The following ERC2 variants were observed in gnomAD, a reference collection of about 807,000 sequenced individuals.
ERC2 encodes ELKS/RAB6-interacting/CAST family member 2, also known as ERC protein 2.
ERC2 carries 42 observed loss-of-function variants against 114.8 expected under a neutral mutation model. The ratio of observed to expected loss-of-function variants is 0.37; its 90% CI spans 0.29 to 0.47. ERC2 has a LOEUF of 0.47. Among genes scored for constraint, ERC2 ranks in the 20% least tolerant of loss-of-function variants. The pLI is 0.99. For missense variants in ERC2, 939 were observed against 1,150.7 expected (o/e 0.82, Z 2.66); for synonymous variants, 454 against 425.5 (o/e 1.07, Z -0.82).
At chr3:55,855,640 C>G (rs117803046) in intron 14 of ERC2, among the ~76,000 whole-genome samples, 2 of 152,086 alleles carry the variant, frequency 1.3e-5, no homozygotes, top group Non-Finnish European at 2.9e-5. Context: ...GGCAGATTAA[C>G]TATAAAGAAA....
chr3:56,320,190 G>A (rs1335458606), intron 2 of ERC2, among the ~76,000 whole-genome samples: 1 of 152,158 alleles, frequency 6.6e-6, no homozygotes, highest in African/African-American at 2.4e-5. Flanking sequence ...TCTGTACTGT[G>A]TTTTGAAGAG....
At chr3:56,217,940 A>G in intron 3 of ERC2, among the ~76,000 whole-genome samples, 1 of 152,178 alleles carries the variant, frequency 6.6e-6, no homozygotes, top group East Asian at 1.9e-4. Flanking sequence ...AGCCATATGT[A>G]GAAAGCTGAA....
chr3:56,350,311 C>T (rs756814154), intron 2 of ERC2, among the ~76,000 whole-genome samples: 2 of 152,248 alleles, frequency 1.3e-5, no homozygotes, highest in Non-Finnish European at 2.9e-5. Context: ...TCTGCAACCT[C>T]ACTTTCCAAG....
At chr3:56,235,895 T>C (rs1389143827) in intron 3 of ERC2, among the ~76,000 whole-genome samples, 1 of 152,184 alleles carries the variant, frequency 6.6e-6, no homozygotes. Flanking sequence ...ATCCCTTTCA[T>C]TTTTTACATC....
intron 17 of ERC2, among the ~76,000 whole-genome samples, chr3:55,595,327 G>C (rs1395849373): frequency 1.3e-5 from 2 of 152,194 alleles, no homozygotes; most frequent in Non-Finnish European, 2.9e-5. Context: ...TGGTTTAATA[G>C]CTTCTCCTCA....
chr3:56,293,467 G>C (rs189714111), intron 3 of ERC2, among the ~76,000 whole-genome samples: 1 of 152,180 alleles, frequency 6.6e-6, no homozygotes, highest in Non-Finnish European at 1.5e-5. Context: ...TCCAGGCTAC[G>C]TGTGGTTTAA....
Position 56,344,103 on chromosome 3 carries a change from TA to T in ERC2, c.658-47669del, listed in dbSNP as rs555508961. Among the ~76,000 whole-genome samples, 14 of 152,320 alleles carry T rather than the reference TA, an allele frequency of 9.2e-5. No homozygotes were observed. In the South Asian group the frequency reaches 2.9e-3, roughly 32 times the overall value. ...CAGACGGATGTTTCAAATGCCATAT[TA>T]AACAAAATATCTTTTTACATTTGTA... On this transcript the variant is annotated intron_variant, in intron 2 of 17. Coordinates refer to ENST00000288221, the MANE Select transcript of ERC2 (RefSeq NM_015576.3).
chr3:56,151,368 A>G (rs1002121745), intron 4 of ERC2, among the ~76,000 whole-genome samples: 5 of 152,078 alleles, frequency 3.3e-5, no homozygotes, highest in African/African-American at 9.7e-5. Flanking sequence ...TGCCCAGCCA[A>G]TATTTCTGTT....
At chr3:55,566,518 A>G (rs62251513) in intron 17 of ERC2, among the ~76,000 whole-genome samples, 59,226 of 151,754 alleles carry the variant, frequency 0.39, 11,733 homozygotes, top group South Asian at 0.53. Context: ...TGCTACCTCC[A>G]CCTCCTGGGT....
intron 13 of ERC2, among the ~76,000 whole-genome samples, chr3:55,900,924 T>C (rs1375356434): frequency 6.6e-6 from 1 of 152,160 alleles, no homozygotes; most frequent in Non-Finnish European, 1.5e-5. Flanking sequence ...TAACTTAAGC[T>C]CAGAAAGGGT....
chr3:55,579,777 G>A (rs550351026), intron 17 of ERC2, among the ~76,000 whole-genome samples: 108 of 152,344 alleles, frequency 7.1e-4, no homozygotes, highest in South Asian at 1.2e-3. Flanking sequence ...CCTTTCACAT[G>A]CTGCGCACTC....
intron 14 of ERC2, among the ~76,000 whole-genome samples, chr3:55,807,698 A>G (rs1049177620): frequency 2.0e-5 from 3 of 152,192 alleles, no homozygotes; most frequent in Admixed American, 6.5e-5. Flanking sequence ...ACCTGGATTT[A>G]TGATGGATAA....
At chr3:56,116,733 T>C (rs2079260284) in intron 6 of ERC2, among the ~76,000 whole-genome samples, 1 of 152,124 alleles carries the variant, frequency 6.6e-6, no homozygotes, top group South Asian at 2.1e-4. Context: ...CTATTATCCT[T>C]CAAATCCTGG....
At position 56,075,051 on chromosome 3, in the gene ERC2, CA is replaced by C. The variant is rs1425977651; in HGVS notation, c.1641+5765del. Among the ~76,000 whole-genome samples the C allele has an allele frequency of 2.0e-5, 3 of 152,270 alleles. No individual in the cohort carries two copies. In the East Asian group the frequency reaches 5.8e-4, roughly 29 times the overall value. The stretch of plus-strand genomic sequence containing the variant: ...CCCTGAGAGGAAAGCCAACATTCAC[CA>C]AAGGGATGCATAATTCCAAACTGAA... On this transcript the variant is annotated intron_variant, in intron 7 of 17. Coordinates refer to ENST00000288221, the MANE Select transcript of ERC2 (RefSeq NM_015576.3).
At chr3:55,831,889 G>C (rs999170576) in intron 14 of ERC2, among the ~76,000 whole-genome samples, 1 of 152,206 alleles carries the variant, frequency 6.6e-6, no homozygotes, top group African/African-American at 2.4e-5. Context: ...GGAAAATCGG[G>C]TCACTCCCAC....
chr3:56,190,733 C>T (rs897623600), intron 3 of ERC2, among the ~76,000 whole-genome samples: 3 of 152,044 alleles, frequency 2.0e-5, no homozygotes, highest in African/African-American at 7.3e-5. Context: ...GCCACCACAC[C>T]CAGATAATTT....
chr3:56,157,241 G>A (rs1186923247), intron 4 of ERC2, among the ~76,000 whole-genome samples: 2 of 152,158 alleles, frequency 1.3e-5, no homozygotes, highest in Non-Finnish European at 2.9e-5. Flanking sequence ...TGCTATTCTG[G>A]TTCTTTCTTC....
At chr3:55,833,020 G>C (rs879487835) in intron 14 of ERC2, among the ~76,000 whole-genome samples, 52 of 150,446 alleles carry the variant, frequency 3.5e-4, no homozygotes, top group African/African-American at 7.7e-4. Flanking sequence ...GATGGAAGAT[G>C]AAATGAATGA....
chr3:55,897,066 T>C (rs1181342550), intron 13 of ERC2, among the ~76,000 whole-genome samples: 1 of 152,240 alleles, frequency 6.6e-6, no homozygotes, highest in South Asian at 2.1e-4. Context: ...TCGTCGGATC[T>C]TTTAAAGTGA....
Sources: allele counts gnomAD v4.1 joint callset (sites outside exome capture counted in the v4.1 genomes callset), GRCh38; gene constraint gnomAD v4.1.1; transcripts MANE v1.5; gene names NCBI Gene and HGNC (gene_info 2026-07-23, HGNC 2026-07-21).